Variants in LHFPL1 observed in about 807,000 individuals in gnomAD.
The protein encoded by LHFPL1 is LHFPL tetraspan subfamily member 1 protein.
A neutral mutation model predicts 12.1 loss-of-function variants in LHFPL1; 4 were observed. That is an observed-to-expected ratio of 0.33 (90% CI 0.16 to 0.76). LHFPL1 has a LOEUF of 0.76. Ranked by LOEUF, LHFPL1 falls within the 30% of genes least tolerant of loss-of-function variation. The probability of loss-of-function intolerance (pLI) is 0.61; values close to 1 mark genes in which losing one functional copy is unlikely to be tolerated. For synonymous variants in LHFPL1, 52 were observed against 61.9 expected (o/e 0.84, Z 0.75); for missense variants, 141 against 174.1 (o/e 0.81, Z 1.07).
chrX:112,633,158 A>C (rs4829489), intron 3 of LHFPL1, among the ~76,000 whole-genome samples: 16,887 of 111,417 alleles, frequency 0.15, 1,805 homozygotes, highest in African/African-American at 0.36. Flanking sequence ...TCAATAGTAC[A>C]GATGCATTTG....
At chrX:112,663,046 G>A (rs1931234391) in intron 2 of LHFPL1, among the ~76,000 whole-genome samples, 2 of 111,479 alleles carry the variant, frequency 1.8e-5, no homozygotes, top group Admixed American at 1.9e-4. Flanking sequence ...AGCTGGCCAA[G>A]TGCCTTTCTT....
At position 112,650,949 on chromosome X, in the gene LHFPL1, A is replaced by G. The variant is rs370869856; in HGVS notation, c.481+9678T>C. On this transcript the variant is annotated intron_variant, in intron 3 of 3. Coordinates refer to ENST00000371968, the MANE Select transcript of LHFPL1 (RefSeq NM_178175.4). ...ATGGTGTTGCTTAGATCAGACTTCT[A>G]TCTGCCACTCCACAGCTGAATGACC... is the stretch of plus-strand genomic sequence containing the variant. Among the ~76,000 whole-genome samples, 89 of 111,893 alleles carry G rather than the reference A, an allele frequency of 8.0e-4. 5 individuals are homozygous for G. In the East Asian group the frequency reaches 0.016, roughly 20 times the overall value.
intron 3 of LHFPL1, among the ~76,000 whole-genome samples, chrX:112,636,905 A>C (rs1479601216): frequency 8.9e-6 from 1 of 111,919 alleles, no homozygotes; most frequent in African/African-American, 3.3e-5. Flanking sequence ...TGTCCTTAGA[A>C]GATACTGCAG....
chrX:112,665,936 T>C (rs1015799989), intron 2 of LHFPL1, among the ~76,000 whole-genome samples: 10 of 111,744 alleles, frequency 8.9e-5, no homozygotes, highest in Non-Finnish European at 1.7e-4. Context: ...TATAATCCTC[T>C]CCCAACTACA....
At position 112,663,049 on chromosome X, in the gene LHFPL1, C is replaced by T. The variant is rs1931234641; in HGVS notation, c.383-2324G>A. Among the ~76,000 whole-genome samples, 3 of 111,462 alleles carry T rather than the reference C, an allele frequency of 2.7e-5. No individual in the cohort carries two copies. In the South Asian group the frequency reaches 1.1e-3, roughly 43 times the overall value. On this transcript the variant is annotated intron_variant, in intron 2 of 3. Coordinates refer to ENST00000371968, the MANE Select transcript of LHFPL1 (RefSeq NM_178175.4). Reference sequence around the variant, plus strand: ...AGCGGAAACTAGAGCTGGCCAAGTGCCTTTCTTGGCACAGTAGAGGGAACC... The same window carrying T: ...AGCGGAAACTAGAGCTGGCCAAGTGTCTTTCTTGGCACAGTAGAGGGAACC...
chrX:112,652,551 G>T (rs777784421), intron 3 of LHFPL1, among the ~76,000 whole-genome samples: 13 of 112,148 alleles, frequency 1.2e-4, no homozygotes, highest in Non-Finnish European at 2.1e-4. Flanking sequence ...ACACCAAAAA[G>T]ATGTGTGATA....
At chrX:112,667,383 G>A (rs1931366205) in intron 2 of LHFPL1, among the ~76,000 whole-genome samples, 1 of 111,948 alleles carries the variant, frequency 8.9e-6, no homozygotes, top group African/African-American at 3.3e-5. Context: ...CCTTACACCT[G>A]TTGTTGTGTA....
intron 3 of LHFPL1, among the ~76,000 whole-genome samples, chrX:112,635,973 C>G (rs1391976887): frequency 1.8e-5 from 2 of 111,350 alleles, no homozygotes; most frequent in African/African-American, 6.5e-5. Flanking sequence ...GAGCAGGGAA[C>G]GATACGCTAG....
At chrX:112,678,698 G>C (rs1022863693) in intron 1 of LHFPL1, among the ~76,000 whole-genome samples, 1 of 112,093 alleles carries the variant, frequency 8.9e-6, no homozygotes, top group African/African-American at 3.3e-5. Flanking sequence ...TGCTTGTTCA[G>C]AATCACTTTC....
At chrX:112,668,915 T>C (rs942098508) in intron 2 of LHFPL1, among the ~76,000 whole-genome samples, 1 of 112,152 alleles carries the variant, frequency 8.9e-6, no homozygotes, top group Non-Finnish European at 1.9e-5. Context: ...GCTTTCTGAT[T>C]CCTGACAGTT....
intron 3 of LHFPL1, among the ~76,000 whole-genome samples, chrX:112,652,775 G>A (rs1930891472): frequency 8.9e-6 from 1 of 112,137 alleles, no homozygotes; most frequent in African/African-American, 3.2e-5. Flanking sequence ...GCTATCAGTT[G>A]AGGTATATGA....
At chrX:112,661,386 A>G (rs1219686544) in intron 2 of LHFPL1, among the ~76,000 whole-genome samples, 2 of 111,929 alleles carry the variant, frequency 1.8e-5, no homozygotes, top group African/African-American at 3.2e-5. Flanking sequence ...TCTTCCAACC[A>G]GAGATACAAA....
intron 3 of LHFPL1, among the ~76,000 whole-genome samples, chrX:112,656,534 A>G (rs1258244143): frequency 8.9e-6 from 1 of 111,894 alleles, no homozygotes; most frequent in Non-Finnish European, 1.9e-5. Flanking sequence ...GGCAAGGAAA[A>G]CAAGCAAAAG....
chrX:112,648,185 G>A, intron 3 of LHFPL1, among the ~76,000 whole-genome samples: 2 of 103,199 alleles, frequency 1.9e-5, no homozygotes, highest in East Asian at 3.1e-4. Flanking sequence ...GGGGTGGGGG[G>A]CTAGGGGAGG....
intron 3 of LHFPL1, among the ~76,000 whole-genome samples, chrX:112,658,942 A>G (rs1366728973): frequency 8.9e-6 from 1 of 112,334 alleles, no homozygotes; most frequent in Non-Finnish European, 1.9e-5. Flanking sequence ...TTATTCAGAC[A>G]TGAAAAGAAA....
At chrX:112,670,640 G>T (rs954989403) in intron 2 of LHFPL1, among the ~76,000 whole-genome samples, 4 of 112,154 alleles carry the variant, frequency 3.6e-5, no homozygotes, top group Admixed American at 1.9e-4. Context: ...CAGAGAGCAG[G>T]GCTCCTAGAA....
chrX:112,663,346 C>G (rs1261008390), intron 2 of LHFPL1, among the ~76,000 whole-genome samples: 1 of 111,680 alleles, frequency 9.0e-6, no homozygotes, highest in Non-Finnish European at 1.9e-5. Flanking sequence ...AATTCTGTGT[C>G]CTTGGCACAT....
intron 3 of LHFPL1, among the ~76,000 whole-genome samples, chrX:112,649,251 T>G (rs1302763457): frequency 8.9e-6 from 1 of 112,414 alleles, no homozygotes; most frequent in Non-Finnish European, 1.9e-5. Flanking sequence ...GCTTTATATT[T>G]GGACCAGGAC....
chrX:112,644,884 C>T (rs1930641758), intron 3 of LHFPL1, among the ~76,000 whole-genome samples: 1 of 112,369 alleles, frequency 8.9e-6, no homozygotes, highest in Non-Finnish European at 1.9e-5. Context: ...CAGGAAATGC[C>T]TGGAAACTGA....
Sources: gnomAD v4.1 joint callset for allele counts (sites outside exome capture counted in the v4.1 genomes callset) on GRCh38, gnomAD v4.1.1 for gene constraint, MANE v1.5 for transcripts, NCBI Gene and HGNC (gene_info 2026-07-23, HGNC 2026-07-21) for gene names.